Variants in EYA4 observed in about 807,000 individuals in gnomAD.
EYA4 encodes protein phosphatase EYA4.
In EYA4, 31 loss-of-function variants were observed where a neutral mutation model predicts 87.9. That is an observed-to-expected ratio of 0.35 (90% CI 0.27 to 0.48). EYA4 has a LOEUF of 0.48. EYA4 is among the 20% of genes least tolerant of loss of function. EYA4 has a pLI of 0.99. For missense variants in EYA4, 678 were observed against 761.4 expected, an observed-to-expected ratio of 0.89 and a Z score of 1.29; for synonymous variants, 263 against 270.6, an observed-to-expected ratio of 0.97 and a Z score of 0.28.
At chr6:133,473,073 G>T (rs926454397) in intron 11 of EYA4, among the ~76,000 whole-genome samples, 2 of 151,994 alleles carry the variant, frequency 1.3e-5, no homozygotes, top group African/African-American at 4.8e-5. Context: ...AGAAAAATTA[G>T]GTTAAGAAAT....
At chr6:133,466,821 G>A (rs1236605053) in intron 10 of EYA4, among the ~76,000 whole-genome samples, 1 of 151,794 alleles carries the variant, frequency 6.6e-6, no homozygotes, top group Non-Finnish European at 1.5e-5. Context: ...AGGGGGAAGT[G>A]GGGAAGCACA....
intron 18 of EYA4, among the ~76,000 whole-genome samples, chr6:133,523,791 A>T (rs1234607943): frequency 6.6e-6 from 1 of 152,050 alleles, no homozygotes; most frequent in African/African-American, 2.4e-5. Context: ...ATAAACATTC[A>T]AAAGCAAAAC....
intron 13 of EYA4, among the ~76,000 whole-genome samples, chr6:133,487,117 T>C (rs1236279190): frequency 1.3e-5 from 2 of 152,090 alleles, no homozygotes; most frequent in Non-Finnish European, 2.9e-5. Context: ...GGTTTTTGCA[T>C]TGGAACTCAG....
chr6:133,326,272 G>C (rs1781491191), intron 2 of EYA4, among the ~76,000 whole-genome samples: 1 of 152,138 alleles, frequency 6.6e-6, no homozygotes. Flanking sequence ...GGTAGGTCTG[G>C]GGAGATAGAT....
chr6:133,264,150 T>C (rs142319584), intron 1 of EYA4, among the ~76,000 whole-genome samples: 152 of 152,144 alleles, frequency 1.0e-3, no homozygotes, highest in African/African-American at 3.6e-3. Context: ...GGCGAGAGAA[T>C]GGCGAGAACA....
At chr6:133,393,520 G>T (rs750539892) in intron 3 of EYA4, among the ~76,000 whole-genome samples, 4 of 152,124 alleles carry the variant, frequency 2.6e-5, no homozygotes, top group Non-Finnish European at 4.4e-5. Context: ...AGTGAGCCAA[G>T]CAGAGAGCTG....
chr6:133,260,074 T>G (rs1775673101), intron 1 of EYA4, among the ~76,000 whole-genome samples: 1 of 152,168 alleles, frequency 6.6e-6, no homozygotes, highest in South Asian at 2.1e-4. Context: ...GTGTGTATAT[T>G]TTTTTCGTGT....
At chr6:133,462,511 T>C (rs1384628749) in intron 8 of EYA4, 34 bp downstream of exon 8, 1 of 1,613,626 alleles carries the variant, frequency 6.2e-7, no homozygotes, top group Non-Finnish European at 8.5e-7. Context: ...TCTTTGGTTA[T>C]AGGCAGGTAA....
At chr6:133,498,670 C>T (rs535305497) in intron 13 of EYA4, among the ~76,000 whole-genome samples, 79 of 152,098 alleles carry the variant, frequency 5.2e-4, no homozygotes, top group African/African-American at 1.9e-3. Flanking sequence ...TCAAAAAATG[C>T]ATAATGTTTT....
intron 1 of EYA4, among the ~76,000 whole-genome samples, chr6:133,265,609 G>A (rs1039542842): frequency 1.3e-5 from 2 of 152,020 alleles, no homozygotes; most frequent in Non-Finnish European, 2.9e-5. Flanking sequence ...AGTTTTACTT[G>A]GTTCAATAAT....
chr6:133,529,653 A>C lies in EYA4; in HGVS notation c.*848A>C. ...TTTGCAATAAGAAAACAACAATAAT[A>C]AAGGAAAGCTTGTGTTTCATTTGGG... On this transcript the variant is annotated 3_prime_UTR_variant, in exon 20 of 20. Coordinates refer to ENST00000355286, the MANE Select transcript of EYA4 (RefSeq NM_004100.5). The C allele has an allele frequency of 1.0e-6, 1 of 985,096 alleles. No individual in the cohort carries two copies. The highest frequency in any genetic ancestry group is 1.2e-6 in the Non-Finnish European group (1 of 829,478). The allele number at this position is 985,096 out of a possible 1,614,324, so 61.0% of individuals were successfully genotyped here. A position where few individuals can be genotyped will look rare whatever the true frequency, so the allele number is the denominator to read the frequency against.
intron 2 of EYA4, among the ~76,000 whole-genome samples, chr6:133,345,363 T>C (rs1766456954): frequency 6.6e-6 from 1 of 152,192 alleles, no homozygotes; most frequent in Non-Finnish European, 1.5e-5. Context: ...GAATTTTCCA[T>C]ACTTTTATGA....
intron 13 of EYA4, among the ~76,000 whole-genome samples, chr6:133,505,695 A>G: frequency 6.6e-6 from 1 of 152,240 alleles, no homozygotes; most frequent in East Asian, 1.9e-4. Context: ...AATTCTTATT[A>G]TTTGTCATTA....
chr6:133,426,502 A>G (rs150367659), intron 3 of EYA4, among the ~76,000 whole-genome samples: 2 of 152,182 alleles, frequency 1.3e-5, no homozygotes, highest in Non-Finnish European at 2.9e-5. Context: ...TTGCTAACCT[A>G]TGTCAGTAAA....
At chr6:133,323,290 A>C (rs1324268525) in intron 2 of EYA4, among the ~76,000 whole-genome samples, 2 of 152,142 alleles carry the variant, frequency 1.3e-5, no homozygotes, top group Non-Finnish European at 2.9e-5. Context: ...TTATTTAATA[A>C]GAGCAAGTAA....
At chr6:133,278,567 A>G (rs1382427344) in intron 2 of EYA4, among the ~76,000 whole-genome samples, 2 of 152,326 alleles carry the variant, frequency 1.3e-5, no homozygotes, top group East Asian at 3.9e-4. Flanking sequence ...GAGTAGCCTG[A>G]CAAATTTTAG....
At chr6:133,279,691 G>C (rs1004553345) in intron 2 of EYA4, among the ~76,000 whole-genome samples, 2 of 151,946 alleles carry the variant, frequency 1.3e-5, no homozygotes, top group Admixed American at 6.6e-5. Flanking sequence ...TTTCCTTAGA[G>C]TACTCATGAC....
At chr6:133,383,576 G>A (rs1237984730) in intron 3 of EYA4, among the ~76,000 whole-genome samples, 1 of 135,730 alleles carries the variant, frequency 7.4e-6, no homozygotes, top group African/African-American at 2.7e-5. Flanking sequence ...TCTTTTTGTA[G>A]AGTAAGTGTA....
rs57398314 is a variant in EYA4 at position 133,330,568 on chromosome 6, T to TAC, written c.34-51800_34-51799dup. On this transcript the variant is annotated intron_variant, in intron 2 of 19. Transcript: ENST00000355286. ...TGAGATTTATATATATATATATATATACACACACACACACACACACACACA... is the reference window on the plus strand; with the variant it reads ...TGAGATTTATATATATATATATATATACACACACACACACACACACACACACA... Among the ~76,000 whole-genome samples the TAC allele has an allele frequency of 8.6e-3, 1,231 of 143,890 alleles. 38 individuals carry two copies. Among genetic ancestry groups the TAC allele is most frequent in the Admixed American group, 0.058 (829 of 14,316 alleles). The allele number at this position is 143,890 out of a possible 152,430, so 94.4% of individuals were successfully genotyped here. A position where few individuals can be genotyped will look rare whatever the true frequency, so the allele number is the denominator to read the frequency against.
Sources: gnomAD v4.1 joint callset for allele counts (sites outside exome capture counted in the v4.1 genomes callset) on GRCh38, gnomAD v4.1.1 for gene constraint, MANE v1.5 for transcripts, NCBI Gene and HGNC (gene_info 2026-07-23, HGNC 2026-07-21) for gene names.